PDE6C: variants seen among roughly 807,000 people sequenced by gnomAD.
The protein encoded by PDE6C is cone cGMP-specific 3',5'-cyclic phosphodiesterase subunit alpha'.
In PDE6C, 75 loss-of-function variants were observed where a neutral mutation model predicts 113.1. The observed-to-expected ratio is 0.66, with a 90% CI of 0.55 to 0.80. The LOEUF (loss-of-function observed/expected upper bound fraction) is 0.80. Among genes scored for constraint, PDE6C ranks in the 30% least tolerant of loss-of-function variants. The probability of loss-of-function intolerance (pLI) is 0.00; values close to 1 mark genes in which losing one functional copy is unlikely to be tolerated. For missense variants in PDE6C, 912 were observed against 1,038.6 expected, an observed-to-expected ratio of 0.88 and a Z score of 1.67; for synonymous variants, 375 against 363.7, an observed-to-expected ratio of 1.03 and a Z score of -0.35.
At chr10:93,623,111 T>G (rs533697286) in intron 4 of PDE6C, among the ~76,000 whole-genome samples, 5 of 152,204 alleles carry the variant, frequency 3.3e-5, no homozygotes, top group Admixed American at 6.5e-5. Flanking sequence ...TCACCAGCAG[T>G]TGTTAATGTC....
At position 93,619,441 on chromosome 10, in the gene PDE6C, T is replaced by C. The variant is rs187590441; in HGVS notation, c.481-1191T>C. On this transcript the variant is annotated intron_variant, in intron 1 of 21. Coordinates refer to ENST00000371447, the MANE Select transcript of PDE6C (RefSeq NM_006204.4). Reference sequence around the variant, plus strand: ...AACCTTTCTTTTTCTTTTTCTTTTTTTTGAGATAGAGTTTTGCTCTTGTTG... The same window carrying C: ...AACCTTTCTTTTTCTTTTTCTTTTTCTTGAGATAGAGTTTTGCTCTTGTTG... 2.5e-4 allele frequency among the ~76,000 whole-genome samples: 38 copies of C among 152,300 alleles called. 1 individual carries two copies. The East Asian group carries it at 6.4e-3, about 25-fold the overall frequency.
At position 93,637,064 on chromosome 10, in the gene PDE6C, G is replaced by A. The variant is rs150008081; in HGVS notation, c.1482+1G>A. 3.2e-6 allele frequency: 5 copies of A among 1,563,502 alleles called. No homozygotes were observed. In the African/African-American group the frequency reaches 5.4e-5, roughly 17 times the overall value. On this transcript the variant is annotated splice_donor_variant, in intron 11 of 21. Coordinates refer to ENST00000371447, the MANE Select transcript of PDE6C (RefSeq NM_006204.4). LOFTEE classifies it high-confidence loss of function. ...AGAAAAACAACTTGTTGCAATTTTG[G>A]TAAGTGTTTTCTTTCTAACCTTAAT...
In PDE6C at chr10:93,623,607, G is replaced by T. The variant is rs2058458954; in HGVS notation, c.864+1535G>T. On this transcript the variant is annotated intron_variant, in intron 4 of 21. Coordinates refer to ENST00000371447, the MANE Select transcript of PDE6C (RefSeq NM_006204.4). Reference sequence around the variant, plus strand: ...ATACTTTTGTGTTTTACATTTAGGTGTATAATCCATTTTGAGTTATTTTTT... The same window carrying T: ...ATACTTTTGTGTTTTACATTTAGGTTTATAATCCATTTTGAGTTATTTTTT... 2.0e-5 allele frequency among the ~76,000 whole-genome samples: 3 copies of T among 152,128 alleles called. No individual in the cohort carries two copies. In the South Asian group the frequency reaches 6.2e-4, roughly 31 times the overall value.
At chr10:93,649,860 C>T (rs929832487) in intron 15 of PDE6C, among the ~76,000 whole-genome samples, 1 of 152,218 alleles carries the variant, frequency 6.6e-6, no homozygotes, top group African/African-American at 2.4e-5. Context: ...CCACCTTGGC[C>T]TCCCAAAGTG....
intron 5 of PDE6C, among the ~76,000 whole-genome samples, chr10:93,626,109 T>C (rs913877537): frequency 6.6e-6 from 1 of 152,202 alleles, no homozygotes. Flanking sequence ...AGATTCATCA[T>C]CTGCCCCATG....
intron 18 of PDE6C, among the ~76,000 whole-genome samples, chr10:93,661,096 C>T (rs897661224): frequency 1.3e-5 from 2 of 152,188 alleles, no homozygotes; most frequent in Admixed American, 6.5e-5. Flanking sequence ...TTGGTCTCCA[C>T]CTTCTTGGGC....
chr10:93,627,046 T>C (rs2058476662), intron 7 of PDE6C, among the ~76,000 whole-genome samples, 175 bp downstream of exon 7: 1 of 152,070 alleles, frequency 6.6e-6, no homozygotes, highest in African/African-American at 2.4e-5. Context: ...GCGAATCATC[T>C]GAGGTCAGGA....
chr10:93,665,257 CTAAT>C (rs2058684860), intron 21 of PDE6C, 99 bp from the exon 22 acceptor site: 4 of 888,552 alleles, frequency 4.5e-6, no homozygotes, highest in East Asian at 2.4e-5. Flanking sequence ...GTTAAAATGA[CTAAT>C]TAGTCTACAA....
At chr10:93,615,936 C>T (rs55832805) in intron 1 of PDE6C, among the ~76,000 whole-genome samples, 2 of 152,074 alleles carry the variant, frequency 1.3e-5, no homozygotes, top group Admixed American at 6.5e-5. Context: ...AGGGTTGGAA[C>T]GGAGGTGGCT....
intron 16 of PDE6C, 107 bp downstream of exon 16, chr10:93,655,967 C>T (rs1459666590): frequency 2.7e-6 from 2 of 753,730 alleles, no homozygotes; most frequent in Non-Finnish European, 4.9e-6. Flanking sequence ...CACACACATA[C>T]ACACACACAG....
chr10:93,654,783 TTTCTTTC>T (rs1428780092), intron 15 of PDE6C, among the ~76,000 whole-genome samples: 5 of 70,398 alleles, frequency 7.1e-5, no homozygotes, highest in Non-Finnish European at 1.5e-4. Flanking sequence ...TCTTTCTTTC[TTTCTTTC>T]TTTCTTTCTT....
chr10:93,646,625 A>G (rs1200644342), intron 15 of PDE6C, among the ~76,000 whole-genome samples: 4 of 152,090 alleles, frequency 2.6e-5, no homozygotes, highest in African/African-American at 7.2e-5. Flanking sequence ...CTGAAGGGGG[A>G]GCGAGCACTT....
chr10:93,615,888 A>G (rs1305846023), intron 1 of PDE6C, among the ~76,000 whole-genome samples: 5 of 152,138 alleles, frequency 3.3e-5, no homozygotes, highest in African/African-American at 1.2e-4. Flanking sequence ...TAGGAGTTGT[A>G]TATCCCCCGG....
intron 15 of PDE6C, among the ~76,000 whole-genome samples, chr10:93,652,226 C>T (rs1212863603): frequency 2.0e-5 from 3 of 152,178 alleles, no homozygotes; most frequent in African/African-American, 7.2e-5. Context: ...AAACGTTTAT[C>T]AGACACAGGC....
At chr10:93,619,032 T>C (rs930332938) in intron 1 of PDE6C, among the ~76,000 whole-genome samples, 1 of 152,174 alleles carries the variant, frequency 6.6e-6, no homozygotes, top group African/African-American at 2.4e-5. Context: ...CAGTTCTAAT[T>C]GAAGAAGTCC....
chr10:93,640,282 G>A (rs980457551), intron 12 of PDE6C, 66 bp downstream of exon 12: 5 of 1,486,174 alleles, frequency 3.4e-6, no homozygotes, highest in Admixed American at 3.3e-5. Flanking sequence ...TGTTTTCTGT[G>A]GTTCAAAAGA....
At chr10:93,639,524 T>G (rs1435562158) in intron 11 of PDE6C, among the ~76,000 whole-genome samples, 6 of 152,208 alleles carry the variant, frequency 3.9e-5, no homozygotes, top group Admixed American at 3.9e-4. Flanking sequence ...ACTCATTCAT[T>G]CAACAGGCAT....
At chr10:93,620,121 G>C (rs1283759722) in intron 1 of PDE6C, among the ~76,000 whole-genome samples, 1 of 152,148 alleles carries the variant, frequency 6.6e-6, no homozygotes, top group African/African-American at 2.4e-5. Context: ...AGTTAGCACG[G>C]ATTTCTTCTA....
At chr10:93,641,190 A>G (rs1147644) in intron 14 of PDE6C, among the ~76,000 whole-genome samples, 161 bp downstream of exon 14, 22,041 of 152,160 alleles carry the variant, frequency 0.14, 1,917 homozygotes, top group Admixed American at 0.23. Flanking sequence ...TTCCGCCTTC[A>G]CGATAACGTT....
Sources: allele counts gnomAD v4.1 joint callset (sites outside exome capture counted in the v4.1 genomes callset), GRCh38; gene constraint gnomAD v4.1.1; transcripts MANE v1.5; gene names NCBI Gene and HGNC (gene_info 2026-07-23, HGNC 2026-07-21).